The following MAGI2 variants were observed in gnomAD, a reference collection of about 807,000 sequenced individuals.
MAGI2 encodes the protein membrane-associated guanylate kinase, WW and PDZ domain-containing protein 2.
In MAGI2, 35 loss-of-function variants were observed where a neutral mutation model predicts 133.3. The ratio of observed to expected loss-of-function variants is 0.26; its 90% CI spans 0.20 to 0.35. The LOEUF (loss-of-function observed/expected upper bound fraction) is 0.35. Ranked by LOEUF, MAGI2 falls within the 10% of genes least tolerant of loss-of-function variation. The probability of loss-of-function intolerance (pLI) is 1.00; values close to 1 mark genes in which losing one functional copy is unlikely to be tolerated. For missense variants in MAGI2, 1,636 were observed against 1,863.4 expected (o/e 0.88, Z 2.25); for synonymous variants, 729 against 710.6 (o/e 1.03, Z -0.41).
At position 79,046,477 on chromosome 7, in the gene MAGI2, T is replaced by C. The variant is rs1163778598; in HGVS notation, c.302-39271A>G. Among the ~76,000 whole-genome samples, 6 of 152,214 alleles carry C rather than the reference T, an allele frequency of 3.9e-5. No individual in the cohort carries two copies. In the East Asian group the frequency reaches 1.2e-3, roughly 29 times the overall value. Reference sequence around the variant, plus strand: ...TTTCTGCTGTTGAAGTCACCCAGTTTGGCGCTTTGTTGTGACAGCCCTAGC... The same window carrying C: ...TTTCTGCTGTTGAAGTCACCCAGTTCGGCGCTTTGTTGTGACAGCCCTAGC... On this transcript the variant is annotated intron_variant, in intron 1 of 21. Transcript: ENST00000354212.
chr7:78,142,878 T>C (rs1822904178), intron 16 of MAGI2, among the ~76,000 whole-genome samples: 1 of 152,190 alleles, frequency 6.6e-6, no homozygotes, highest in African/African-American at 2.4e-5. Flanking sequence ...TAGCAATACT[T>C]TTCATTTCTC....
intron 1 of MAGI2, among the ~76,000 whole-genome samples, chr7:79,395,177 C>A (rs1040518163): frequency 6.6e-6 from 1 of 152,120 alleles, no homozygotes; most frequent in Non-Finnish European, 1.5e-5. Context: ...TAGAAAAGAT[C>A]ATATTTTCTT....
intron 9 of MAGI2, among the ~76,000 whole-genome samples, chr7:78,257,730 T>G (rs1793134711): frequency 6.6e-6 from 1 of 152,292 alleles, no homozygotes; most frequent in South Asian, 2.1e-4. Context: ...ACCATAATAC[T>G]TGAAAATTGA....
At chr7:79,424,306 G>C (rs960647351) in intron 1 of MAGI2, among the ~76,000 whole-genome samples, 2 of 151,166 alleles carry the variant, frequency 1.3e-5, no homozygotes, top group Non-Finnish European at 2.9e-5. Context: ...AGTGAAATAA[G>C]CCAGGCACAG....
At position 79,089,947 on chromosome 7, in the gene MAGI2, G is replaced by A. The variant is rs538836863; in HGVS notation, c.302-82741C>T. Among the ~76,000 whole-genome samples, 3 of 151,470 alleles carry A rather than the reference G, an allele frequency of 2.0e-5. No homozygotes were observed. In the South Asian group the frequency reaches 6.3e-4, roughly 32 times the overall value. On this transcript the variant is annotated intron_variant, in intron 1 of 21. Transcript: ENST00000354212. The stretch of plus-strand genomic sequence containing the variant: ...CCATGGCACGTGTATACCTATGTAA[G>A]GTATACCTATACATGTGCACATTCT...
intron 4 of MAGI2, among the ~76,000 whole-genome samples, chr7:78,503,575 T>TC: frequency 3.6e-5 from 1 of 27,648 alleles, no homozygotes; most frequent in African/African-American, 1.4e-4. Context: ...CCCCTCCTCC[T>TC]CCCCCTCCTC....
chr7:78,399,861 G>A (rs1252159254), intron 6 of MAGI2, among the ~76,000 whole-genome samples: 1 of 142,014 alleles, frequency 7.0e-6, no homozygotes, highest in Non-Finnish European at 1.5e-5. Flanking sequence ...AAACACAAGC[G>A]CATGAACACA....
rs1188024692 is a variant in MAGI2, at chr7:78,199,654, T to C, written c.2079+1508A>G. Among the ~76,000 whole-genome samples, 3 of 152,336 alleles carry C rather than the reference T, an allele frequency of 2.0e-5. No individual in the cohort carries two copies. The East Asian group carries it at 5.8e-4, about 29-fold the overall frequency. On this transcript the variant is annotated intron_variant, in intron 11 of 21. Transcript: ENST00000354212. Reference sequence around the variant, plus strand: ...TCTCATTATAGTCCTCAAGAGTTTCTGGTAGATACATGGAAGACATCAAAT... The same window carrying C: ...TCTCATTATAGTCCTCAAGAGTTTCCGGTAGATACATGGAAGACATCAAAT...
chr7:78,612,718 G>A (rs1045735944), intron 3 of MAGI2, among the ~76,000 whole-genome samples: 3 of 151,598 alleles, frequency 2.0e-5, no homozygotes, highest in East Asian at 1.9e-4. Flanking sequence ...CGCCCAGGCC[G>A]GAGTGCAGTG....
chr7:78,721,256 G>A (rs907363651), intron 2 of MAGI2, among the ~76,000 whole-genome samples: 3 of 151,962 alleles, frequency 2.0e-5, no homozygotes, highest in African/African-American at 7.2e-5. Flanking sequence ...AAGCAGTGAT[G>A]TATAAAATCA....
intron 6 of MAGI2, among the ~76,000 whole-genome samples, chr7:78,421,872 T>C (rs1294482372): frequency 1.3e-5 from 2 of 152,154 alleles, no homozygotes; most frequent in South Asian, 2.1e-4. Context: ...GTGTAACCTA[T>C]AGGAGTTGTG....
intron 3 of MAGI2, among the ~76,000 whole-genome samples, chr7:78,561,442 A>G (rs1800392958): frequency 6.6e-6 from 1 of 152,228 alleles, no homozygotes; most frequent in African/African-American, 2.4e-5. Flanking sequence ...TTCAGTCACA[A>G]AGAGAGTGAT....
intron 5 of MAGI2, 113 bp downstream of exon 5, chr7:78,501,464 C>G (rs1289404933): frequency 1.6e-5 from 15 of 930,426 alleles, no homozygotes; most frequent in African/African-American, 8.5e-5. Flanking sequence ...AAAGCTGTTA[C>G]CAGAATTTCA....
intron 2 of MAGI2, among the ~76,000 whole-genome samples, chr7:78,681,719 A>T (rs1027725923): frequency 2.6e-5 from 4 of 152,182 alleles, no homozygotes; most frequent in Non-Finnish European, 1.5e-5. Context: ...AGTCACAAAC[A>T]TGAGGAAGGT....
chr7:78,491,573 C>T (rs1291171961), intron 5 of MAGI2, among the ~76,000 whole-genome samples: 2 of 152,056 alleles, frequency 1.3e-5, no homozygotes, highest in African/African-American at 4.8e-5. Context: ...AATAAATCAA[C>T]AGGAGAGCAT....
chr7:78,705,782 A>G (rs1227502412), intron 2 of MAGI2, among the ~76,000 whole-genome samples: 1 of 152,106 alleles, frequency 6.6e-6, no homozygotes, highest in Non-Finnish European at 1.5e-5. Context: ...CGTCCTTTTG[A>G]CTTAACATTT....
chr7:78,325,082 A>T (rs1788448841), intron 9 of MAGI2, among the ~76,000 whole-genome samples: 1 of 152,210 alleles, frequency 6.6e-6, no homozygotes. Flanking sequence ...TAACTGATTT[A>T]AAGCATGGCT....
At chr7:79,028,328 CATATATAT>C (rs57985330) in intron 1 of MAGI2, among the ~76,000 whole-genome samples, 2,233 of 116,272 alleles carry the variant, frequency 0.019, 96 homozygotes, top group African/African-American at 0.059. Flanking sequence ...CATATATATA[CATATATAT>C]ACACACACAC....
At chr7:78,865,480 C>A (rs1033795596) in intron 2 of MAGI2, among the ~76,000 whole-genome samples, 3 of 152,066 alleles carry the variant, frequency 2.0e-5, no homozygotes, top group Non-Finnish European at 4.4e-5. Context: ...AAGGAATCAA[C>A]AAGAAGGTAG....
Sources: allele counts gnomAD v4.1 joint callset (sites outside exome capture counted in the v4.1 genomes callset), GRCh38; gene constraint gnomAD v4.1.1; transcripts MANE v1.5; gene names NCBI Gene and HGNC (gene_info 2026-07-23, HGNC 2026-07-21).